Variants in CECR2 observed in about 807,000 individuals in gnomAD.
CECR2 encodes the protein CECR2 histone acetyl-lysine reader, also known as chromatin remodeling regulator CECR2.
A neutral mutation model predicts 154.5 loss-of-function variants in CECR2; 30 were observed. That is an observed-to-expected ratio of 0.19 (90% CI 0.15 to 0.26). The LOEUF (loss-of-function observed/expected upper bound fraction) is 0.26, where lower values mean the gene tolerates loss of function less well. CECR2 is among the 10% of genes least tolerant of loss of function. CECR2 has a pLI of 1.00. For missense variants in CECR2, 1,743 were observed against 1,829.3 expected, an observed-to-expected ratio of 0.95 and a Z score of 0.86; for synonymous variants, 725 against 683.7, an observed-to-expected ratio of 1.06 and a Z score of -0.94.
intron 1 of CECR2, among the ~76,000 whole-genome samples, chr22:17,462,373 A>T (rs200501584): frequency 8.0e-4 from 116 of 144,486 alleles, no homozygotes; most frequent in Middle Eastern, 3.5e-3. Context: ...ATAATAATAA[A>T]AAAAAAAGAT....
At chr22:17,498,847 A>C (rs1264733481) in intron 3 of CECR2, among the ~76,000 whole-genome samples, 1 of 152,112 alleles carries the variant, frequency 6.6e-6, no homozygotes, top group Non-Finnish European at 1.5e-5. Flanking sequence ...CTCTTTTTTG[A>C]AAAGGGAACA....
rs557639020 is a variant in CECR2, at chr22:17,473,236, C to T, written c.127-4352C>T. Among the ~76,000 whole-genome samples the T allele has an allele frequency of 7.9e-5, 12 of 152,262 alleles. No homozygotes were observed. The South Asian group carries it at 1.2e-3, about 16-fold the overall frequency. ...TAGCTGCCTTTTCTGCTGTTTTTCC[C>T]CCCTTCCTCTTCTGTCCCAGAGCAT... On this transcript the variant is annotated intron_variant, in intron 1 of 18. Transcript: ENST00000262608.
chr22:17,381,834 G>A (rs185864011), intron 1 of CECR2, among the ~76,000 whole-genome samples: 59 of 152,254 alleles, frequency 3.9e-4, no homozygotes, highest in Non-Finnish European at 5.3e-4. Flanking sequence ...ATGCTTCTGG[G>A]GGTCATGCTG....
At chr22:17,450,031 C>T (rs1180888183) in intron 1 of CECR2, among the ~76,000 whole-genome samples, 1 of 152,104 alleles carries the variant, frequency 6.6e-6, no homozygotes, top group Non-Finnish European at 1.5e-5. Flanking sequence ...CTGATGGTAT[C>T]CCCAAACGCA....
chr22:17,485,049 C>G (rs1028534251), intron 2 of CECR2, among the ~76,000 whole-genome samples: 3 of 152,166 alleles, frequency 2.0e-5, no homozygotes, highest in African/African-American at 7.2e-5. Flanking sequence ...GGTTTTTGCA[C>G]TTACAGGACA....
At chr22:17,528,772 G>C (rs1444936346) in intron 9 of CECR2, among the ~76,000 whole-genome samples, 4 of 152,208 alleles carry the variant, frequency 2.6e-5, no homozygotes, top group Non-Finnish European at 5.9e-5. Flanking sequence ...CTGGCCTCAA[G>C]TGATCCATCT....
intron 1 of CECR2, among the ~76,000 whole-genome samples, chr22:17,470,602 C>T (rs1231880840): frequency 6.6e-6 from 1 of 152,114 alleles, no homozygotes; most frequent in African/African-American, 2.4e-5. Context: ...GTTAAAGATA[C>T]TATAATCTTT....
At chr22:17,497,297 A>ACAAAAAT in intron 2 of CECR2, 106 bp from the exon 3 acceptor site, 2 of 1,209,784 alleles carry the variant, frequency 1.7e-6, no homozygotes, top group Non-Finnish European at 1.1e-6. Flanking sequence ...CTGTATAAAA[A>ACAAAAAT]CAAAAATCTG....
intron 1 of CECR2, among the ~76,000 whole-genome samples, chr22:17,423,177 G>T (rs1489171795): frequency 6.6e-6 from 1 of 152,100 alleles, no homozygotes; most frequent in African/African-American, 2.4e-5. Context: ...TTAGTCTTAG[G>T]ATTAGGTCTC....
chr22:17,472,016 G>A (rs572062050), intron 1 of CECR2, among the ~76,000 whole-genome samples: 1 of 152,282 alleles, frequency 6.6e-6, no homozygotes, highest in African/African-American at 2.4e-5. Flanking sequence ...TATTTGAGGG[G>A]AGGAGCTATT....
chr22:17,437,310 C>T lies in CECR2; in HGVS notation c.127-40278C>T, dbSNP rs140450886. On this transcript the variant is annotated intron_variant, in intron 1 of 18. Coordinates refer to ENST00000262608, the MANE Select transcript of CECR2 (RefSeq NM_001290047.2). ...TTTATCAAGTTGTTTCACGCGTTGT[C>T]GGGAGGGGGGCCCTGGGGACTCAGT... is the stretch of plus-strand genomic sequence containing the variant. Among the ~76,000 whole-genome samples the T allele has an allele frequency of 2.9e-3, 441 of 152,142 alleles. 3 individuals carry two copies. Among genetic ancestry groups the T allele is most frequent in the African/African-American group, 0.01 (425 of 41,496 alleles).
chr22:17,504,821 A>C, intron 6 of CECR2, 26 bp from the exon 7 acceptor site: 1 of 1,601,978 alleles, frequency 6.2e-7, no homozygotes, highest in Non-Finnish European at 8.5e-7. Flanking sequence ...GATCTCCTGT[A>C]GTGAATCCGT....
intron 9 of CECR2, among the ~76,000 whole-genome samples, chr22:17,534,505 T>G (rs932669908): frequency 6.6e-6 from 1 of 151,664 alleles, no homozygotes; most frequent in African/African-American, 2.4e-5. Context: ...ATTACTTTAT[T>G]TATTTATTTA....
In CECR2 at chr22:17,548,453, G is replaced by A. The variant is rs1319269560; in HGVS notation, c.3166G>A (p.Gly1056Arg). 22 of 1,613,904 alleles carry A rather than the reference G, an allele frequency of 1.4e-5. No homozygotes were observed. The highest frequency in any genetic ancestry group is 1.1e-4 in the African/African-American group (8 of 74,944). Residue 1056 changes from glycine (G) to arginine (R), a missense_variant, in exon 17 of 19, where the codon GGA becomes AGA. This residue lies in a region of CECR2 where 1,250 missense variants were observed against 1,192.1 expected (regional missense o/e 1.05). Transcript: ENST00000262608. ...VADRGALSEN[G>R]VIGEASPCGS... ...AGACAGGGGCGCTCTATCCGAGAACGGAGTCATTGGGGAAGCATCTCCTTG... is the reference window on the plus strand; with the variant it reads ...AGACAGGGGCGCTCTATCCGAGAACAGAGTCATTGGGGAAGCATCTCCTTG...
Position 17,540,568 on chromosome 22 carries a change from G to A in CECR2, c.1652G>A (p.Ser551Asn). ...RRSRAGRSGG[S>N]HVWTRSRDPE... Reference sequence around the variant, plus strand: ...AGTCGGGCTGGGCGAAGTGGTGGGAGCCATGTTTGGACCCGCTCCAGGGAC... The same window carrying A: ...AGTCGGGCTGGGCGAAGTGGTGGGAACCATGTTTGGACCCGCTCCAGGGAC... Residue 551 changes from serine to asparagine, a missense_variant, in exon 14 of 19, where the codon AGC becomes AAC. Coordinates refer to ENST00000262608, the MANE Select transcript of CECR2 (RefSeq NM_001290047.2). 6.2e-7 allele frequency: 1 copy of A among 1,612,708 alleles called. No homozygotes were observed. Among genetic ancestry groups the A allele is most frequent in the African/African-American group, 1.3e-5 (1 of 75,044 alleles).
intron 7 of CECR2, 113 bp from the exon 8 acceptor site, chr22:17,511,700 A>T: frequency 1.3e-6 from 1 of 774,724 alleles, no homozygotes; most frequent in Non-Finnish European, 2.2e-6. Flanking sequence ...TTTGGCCCTA[A>T]CCTGTGTGCC....
intron 1 of CECR2, among the ~76,000 whole-genome samples, chr22:17,384,683 A>T (rs964516977): frequency 3.9e-5 from 6 of 152,218 alleles, no homozygotes; most frequent in African/African-American, 7.2e-5. Context: ...CAGGCAGAAT[A>T]CATTAGCACA....
At position 17,542,747 on chromosome 22, in the gene CECR2, G is replaced by C. The variant is rs763004900; in HGVS notation, c.2604G>C (p.Gln868His). 1.2e-6 allele frequency: 2 copies of C among 1,614,026 alleles called. No homozygotes were observed. The highest frequency in any genetic ancestry group is 1.7e-6 in the Non-Finnish European group (2 of 1,179,900). ...APSSLFGAPA[Q>H]ALRGVQGGDS... ...GTTCTTTGTTTGGAGCACCTGCCCAGGCTCTTCGGGGGGTGCAGGGAGGGG... is the reference window on the plus strand; with the variant it reads ...GTTCTTTGTTTGGAGCACCTGCCCACGCTCTTCGGGGGGTGCAGGGAGGGG... The change falls in exon 16 of 19, where the codon CAG becomes CAC. Residue 868 changes from glutamine to histidine, a missense_variant. This residue lies in a region of CECR2 where 1,250 missense variants were observed against 1,192.1 expected (regional missense o/e 1.05). Coordinates refer to ENST00000262608, the MANE Select transcript of CECR2 (RefSeq NM_001290047.2).
chr22:17,395,279 C>A (rs555142374), intron 1 of CECR2, among the ~76,000 whole-genome samples: 3 of 152,176 alleles, frequency 2.0e-5, no homozygotes, highest in Non-Finnish European at 2.9e-5. Context: ...CCACCCACCT[C>A]TGCCTCCCAA....
Sources: gnomAD v4.1 joint callset for allele counts (sites outside exome capture counted in the v4.1 genomes callset) on GRCh38, gnomAD v4.1.1 for gene constraint, gnomAD v4.1.1 regional missense constraint, MANE v1.5 for transcripts, NCBI Gene and HGNC (gene_info 2026-07-23, HGNC 2026-07-21) for gene names.